SARM1: variants seen among roughly 807,000 people sequenced by gnomAD.
The protein encoded by SARM1 is NAD(+) hydrolase SARM1.
SARM1 carries 60 observed loss-of-function variants against 65.1 expected under a neutral mutation model. The ratio of observed to expected loss-of-function variants is 0.92; its 90% CI spans 0.75 to 1.14. The LOEUF (loss-of-function observed/expected upper bound fraction) is 1.14. Among genes scored for constraint, SARM1 ranks in the 50% most tolerant of loss-of-function variants. SARM1 has a pLI of 0.00. For missense variants in SARM1, 913 were observed against 1,015.7 expected (o/e 0.90, Z 1.37); for synonymous variants, 417 against 465.4 (o/e 0.90, Z 1.34).
In SARM1 at chr17:28,385,224, T is replaced by G. The variant is rs782773588; in HGVS notation, c.1579T>G (p.Cys527Gly). The G allele has an allele frequency of 6.3e-7, 1 of 1,595,298 alleles. No individual in the cohort carries two copies. Among genetic ancestry groups the G allele is most frequent in the East Asian group, 2.3e-5 (1 of 44,082 alleles). The change falls in exon 5 of 9, where the codon TGC (cysteine) becomes GGC (glycine). Residue 527 changes from cysteine (C) to glycine (G), a missense_variant. Physicochemically the swap from Cys to Gly is radical, Grantham distance 159 (BLOSUM62 -3). Coordinates refer to ENST00000585482, the MANE Select transcript of SARM1 (RefSeq NM_015077.4). The surrounding 1 kb of genome is among the most constrained non-coding windows in gnomAD (Gnocchi z 4.5). ...GTCTGAGCAGCAGCTGCTGGAAGAC[T>G]GCGGCATCCACCTGGGCGTGCACCG... ...RVSEQQLLED[C>G]GIHLGVHRAR... is the part of the protein sequence containing the mutation.
Position 28,396,006 on chromosome 17 carries a change from G to GCTTA in SARM1, c.2029_2032dup (p.Phe678TyrfsTer17). ...TCCTGCCTGAGGACATGCAGGCTGT[G>GCTTA]CTTACTTTCAACGGTATCAAGTGAG... On this transcript the variant is annotated frameshift_variant, in exon 8 of 9. Coordinates refer to ENST00000585482, the MANE Select transcript of SARM1 (RefSeq NM_015077.4). LOFTEE classifies it high-confidence loss of function. 6.2e-7 allele frequency: 1 copy of GCTTA among 1,613,964 alleles called. No homozygotes were observed. Among genetic ancestry groups the GCTTA allele is most frequent in the Admixed American group, 1.7e-5 (1 of 60,012 alleles).
chr17:28,377,705 CT>C lies in SARM1; in HGVS notation c.471-3487del, dbSNP rs367545949. Among the ~76,000 whole-genome samples the C allele has an allele frequency of 5.8e-3, 859 of 147,188 alleles. 10 individuals carry two copies. Among genetic ancestry groups the C allele is most frequent in the African/African-American group, 0.019 (773 of 40,434 alleles). Reference sequence around the variant, plus strand: ...GTAATGTCACCTGTGGAGGACATCACTTTTTTTTTTTAGACGGAGTCTCACT... The same window carrying C: ...GTAATGTCACCTGTGGAGGACATCACTTTTTTTTTTAGACGGAGTCTCACT... On this transcript the variant is annotated intron_variant, in intron 1 of 8. Transcript: ENST00000585482.
chr17:28,399,901 T>G lies in SARM1; in HGVS notation c.*3615T>G. On this transcript the variant is annotated 3_prime_UTR_variant, in exon 9 of 9. Coordinates refer to ENST00000585482, the MANE Select transcript of SARM1 (RefSeq NM_015077.4). ...GGACATGGCTCTGGAAAATAACTTT[T>G]TTTTTTTTAAGAGACAGGGTCTTGC... 1 of 604,998 alleles carries G rather than the reference T, an allele frequency of 1.7e-6. No homozygotes were observed. Among genetic ancestry groups the G allele is most frequent in the Non-Finnish European group, 2.9e-6 (1 of 340,562 alleles). 37.5% of individuals were successfully genotyped at this position (604,998 alleles called of 1,614,324 possible).
chr17:28,375,830 A>G (rs1567804923), intron 1 of SARM1, among the ~76,000 whole-genome samples: 1 of 152,144 alleles, frequency 6.6e-6, no homozygotes, highest in East Asian at 1.9e-4. Context: ...AATTAAATTA[A>G]AAATTTTTTA....
chr17:28,372,291 G>T lies in SARM1; in HGVS notation c.259G>T (p.Ala87Ser). The T allele has an allele frequency of 7.1e-7, 1 of 1,400,528 alleles. No individual in the cohort carries two copies. Among genetic ancestry groups the T allele is most frequent in the Non-Finnish European group, 9.2e-7 (1 of 1,088,614 alleles). 86.8% of individuals were successfully genotyped at this position (1,400,528 alleles called of 1,614,324 possible). A position where few individuals can be genotyped will look rare whatever the true frequency, so the allele number is the denominator to read the frequency against. The change falls in exon 1 of 9, where the codon GCC (alanine) becomes TCC (serine). Residue 87 changes from alanine to serine, a missense_variant. By Grantham distance (99) the Ala-to-Ser change is moderately conservative. Coordinates refer to ENST00000585482, the MANE Select transcript of SARM1 (RefSeq NM_015077.4). The surrounding 1 kb of genome is among the most constrained non-coding windows in gnomAD (Gnocchi z 5.2). The stretch of plus-strand genomic sequence containing the variant: ...GCTGAAGCAGGCGGGCGGCGCGCGG[G>T]CCGTGGGCGCCGGCCTGGCCGAGGT... ...SALKQAGGARAVGAGLAEVFQ... is the reference protein window; with the variant it reads ...SALKQAGGARSVGAGLAEVFQ...
At chr17:28,375,182 G>A (rs572335809) in intron 1 of SARM1, among the ~76,000 whole-genome samples, 1 of 152,148 alleles carries the variant, frequency 6.6e-6, no homozygotes, top group Admixed American at 6.5e-5. Context: ...CCATATGACT[G>A]CTAGCCCTCT....
At position 28,384,978 on chromosome 17, in the gene SARM1, C is replaced by A. The variant is rs781893231; in HGVS notation, c.1394+48C>A. 2.0e-5 allele frequency: 32 copies of A among 1,596,098 alleles called. No individual in the cohort carries two copies. Among genetic ancestry groups the A allele is most frequent in the Non-Finnish European group, 2.7e-5 (32 of 1,170,288 alleles). On this transcript the variant is annotated intron_variant, in intron 4 of 8. Transcript: ENST00000585482. The surrounding 1 kb of genome is among the most constrained non-coding windows in gnomAD (Gnocchi z 4.4). ...GACCCCAGCTAGGTCTAAATAAGCT[C>A]CCCCTCCGCCCACAGCCCGTCCGAG... is the stretch of plus-strand genomic sequence containing the variant.
intron 8 of SARM1, 34 bp downstream of exon 8, chr17:28,396,060 G>A (rs782067722): frequency 1.2e-6 from 2 of 1,613,298 alleles, no homozygotes; most frequent in Non-Finnish European, 1.7e-6. Context: ...AGGGGGGTAG[G>A]GTACAAATCA....
Position 28,372,533 on chromosome 17 carries a change from G to A in SARM1, c.470+31G>A, listed in dbSNP as rs2067964284. 1.3e-6 allele frequency: 2 copies of A among 1,486,804 alleles called. No homozygotes were observed. Among genetic ancestry groups the A allele is most frequent in the Non-Finnish European group, 1.8e-6 (2 of 1,119,338 alleles). The allele number at this position is 1,486,804 out of a possible 1,614,324, so 92.1% of individuals were successfully genotyped here. ...CGCGCCAGGCCGGGGTTGGGAGAGC[G>A]CCGCGTGGTGTGGACAGTTAAGCGC... On this transcript the variant is annotated intron_variant, in intron 1 of 8. Transcript: ENST00000585482. The surrounding 1 kb of genome is among the most constrained non-coding windows in gnomAD (Gnocchi z 5.2).
In SARM1 at chr17:28,372,505, G is replaced by A; in HGVS notation, c.470+3G>A. ...CAGATCCTGGTGGCTGAGAACCGGT[G>A]AGCGCGCCAGGCCGGGGTTGGGAGA... is the stretch of plus-strand genomic sequence containing the variant. On this transcript the variant is annotated splice_donor_region_variant and intron_variant, in intron 1 of 8. Coordinates refer to ENST00000585482, the MANE Select transcript of SARM1 (RefSeq NM_015077.4). This position sits in a 1 kb window ranked among gnomAD's most constrained non-coding sequence, Gnocchi z 5.2. 1 of 1,525,866 alleles carries A rather than the reference G, an allele frequency of 6.6e-7. No homozygotes were observed. The highest frequency in any genetic ancestry group is 8.7e-7 in the Non-Finnish European group (1 of 1,143,248). The allele number at this position is 1,525,866 out of a possible 1,614,324, so 94.5% of individuals were successfully genotyped here. A position where few individuals can be genotyped will look rare whatever the true frequency, so the allele number is the denominator to read the frequency against.
chr17:28,376,197 G>T (rs1555584564), intron 1 of SARM1, among the ~76,000 whole-genome samples: 1 of 152,088 alleles, frequency 6.6e-6, no homozygotes, highest in East Asian at 1.9e-4. Context: ...AAAGTCCTAG[G>T]TCTGAATTGA....
chr17:28,377,326 A>G (rs1434262020), intron 1 of SARM1, among the ~76,000 whole-genome samples: 1 of 150,280 alleles, frequency 6.7e-6, no homozygotes, highest in Non-Finnish European at 1.5e-5. Context: ...GAGGTGGTTC[A>G]TGCCTGTATT....
chr17:28,377,107 A>T (rs1048875631), intron 1 of SARM1, among the ~76,000 whole-genome samples: 2 of 152,206 alleles, frequency 1.3e-5, no homozygotes, highest in Admixed American at 1.3e-4. Flanking sequence ...ATATTTCTTA[A>T]ACATATCCTG....
intron 5 of SARM1, among the ~76,000 whole-genome samples, chr17:28,387,312 A>G (rs2068056427): frequency 6.6e-6 from 1 of 151,266 alleles, no homozygotes; most frequent in Non-Finnish European, 1.5e-5. Flanking sequence ...GGCTCACTGC[A>G]ACCTCTGCCT....
At chr17:28,376,099 T>C (rs1555584556) in intron 1 of SARM1, among the ~76,000 whole-genome samples, 4 of 152,138 alleles carry the variant, frequency 2.6e-5, no homozygotes, top group Non-Finnish European at 5.9e-5. Flanking sequence ...GGTGAGTAGT[T>C]ATCACAAGAG....
Position 28,381,445 on chromosome 17 carries a change from G to T in SARM1, c.713G>T (p.Gly238Val), listed in dbSNP as rs782567398. 2.6e-6 allele frequency: 4 copies of T among 1,547,166 alleles called. No individual in the cohort carries two copies. The South Asian group carries it at 3.6e-5, about 14-fold the overall frequency. ...CTGGGCAACTGCGCGCTGCACGGGG[G>T]CCAGGCGGTGCAGCGACGCATGGTA... is the stretch of plus-strand genomic sequence containing the variant. ...LALGNCALHG[G>V]QAVQRRMVEK... Residue 238 changes from glycine (G) to valine (V), a missense_variant, in exon 2 of 9, where the codon GGC becomes GTC. By Grantham distance (109) the Gly-to-Val change is moderately radical (BLOSUM62 -3). This residue lies in a region of SARM1 where 862 missense variants were observed against 952.1 expected (regional missense o/e 0.91). Transcript: ENST00000585482.
Position 28,400,463 on chromosome 17 carries a change from A to G in SARM1, c.*4177A>G, listed in dbSNP as rs1334601001. ...ATGGCTCCTGGAGGATTAGGCAGCC[A>G]TCTGCAAGGAGAGGGGCAACCTGGG... On this transcript the variant is annotated 3_prime_UTR_variant, in exon 9 of 9. Coordinates refer to ENST00000585482, the MANE Select transcript of SARM1 (RefSeq NM_015077.4). 2 of 1,033,804 alleles carry G rather than the reference A, an allele frequency of 1.9e-6. No homozygotes were observed. The highest frequency in any genetic ancestry group is 2.8e-6 in the Non-Finnish European group (2 of 723,414). 64.0% of individuals were successfully genotyped at this position (1,033,804 alleles called of 1,614,324 possible).
rs781788842 is a variant in SARM1, at chr17:28,384,516, G to T, written c.1249G>T (p.Val417Phe). The T allele has an allele frequency of 6.2e-7, 1 of 1,613,390 alleles. No individual in the cohort carries two copies. Among genetic ancestry groups the T allele is most frequent in the East Asian group, 2.2e-5 (1 of 44,876 alleles). ...CGTGCCCAGCTGGAAGGAGGCCGAG[G>T]TTCAGACGTGGCTGCAGCAGATCGG... ...PSVPSWKEAEVQTWLQQIGFS... is the reference protein window; with the variant it reads ...PSVPSWKEAEFQTWLQQIGFS... The change falls in exon 3 of 9, where the codon GTT becomes TTT. Residue 417 changes from valine to phenylalanine, a missense_variant. Coordinates refer to ENST00000585482, the MANE Select transcript of SARM1 (RefSeq NM_015077.4). This position sits in a 1 kb window ranked among gnomAD's most constrained non-coding sequence, Gnocchi z 4.4.
chr17:28,402,339 C>A lies in SARM1; in HGVS notation c.*6053C>A. 6.2e-7 allele frequency: 1 copy of A among 1,608,802 alleles called. No individual in the cohort carries two copies. Among genetic ancestry groups the A allele is most frequent in the Non-Finnish European group, 8.5e-7 (1 of 1,176,848 alleles). On this transcript the variant is annotated 3_prime_UTR_variant, in exon 9 of 9. Coordinates refer to ENST00000585482, the MANE Select transcript of SARM1 (RefSeq NM_015077.4). ...CCCATATCCTGTGGAGAAACAAACA[C>A]TCATCAGGAAAATGGGGCTGGGGAG... is the stretch of plus-strand genomic sequence containing the variant.
Sources: gnomAD v4.1 joint callset for allele counts (sites outside exome capture counted in the v4.1 genomes callset) on GRCh38, gnomAD v4.1.1 for gene constraint, gnomAD v4.1.1 regional missense constraint, Gnocchi (gnomAD v3.1) non-coding constraint, MANE v1.5 for transcripts, NCBI Gene and HGNC (gene_info 2026-07-23, HGNC 2026-07-21) for gene names.